CCNB3: variants seen among roughly 807,000 people sequenced by gnomAD.
CCNB3 encodes the protein G2/mitotic-specific cyclin-B3.
A neutral mutation model predicts 68.0 loss-of-function variants in CCNB3; 12 were observed. The ratio of observed to expected loss-of-function variants is 0.18; its 90% CI spans 0.11 to 0.29. The LOEUF (loss-of-function observed/expected upper bound fraction) is 0.29, where lower values mean the gene tolerates loss of function less well. Ranked by LOEUF, CCNB3 falls within the 10% of genes least tolerant of loss-of-function variation. The pLI, the probability that CCNB3 is intolerant of heterozygous loss-of-function variation, is 1.00. For missense variants in CCNB3, 904 were observed against 993.1 expected, an observed-to-expected ratio of 0.91 and a Z score of 1.21; for synonymous variants, 354 against 388.9, an observed-to-expected ratio of 0.91 and a Z score of 1.06.
chrX:50,226,390 AAT>A (rs1245330647), intron 1 of CCNB3, among the ~76,000 whole-genome samples: 1 of 60,930 alleles, frequency 1.6e-5, no homozygotes, highest in East Asian at 4.9e-4. Context: ...ATATATATAG[AAT>A]ATATATAAAA....
chrX:50,228,602 A>C (rs1935974972), intron 1 of CCNB3, among the ~76,000 whole-genome samples: 1 of 86,093 alleles, frequency 1.2e-5, no homozygotes. Flanking sequence ...TAGATAATAT[A>C]TATAGAATAT....
intron 1 of CCNB3, among the ~76,000 whole-genome samples, chrX:50,214,662 A>G: frequency 9.9e-6 from 1 of 100,550 alleles, no homozygotes; most frequent in Admixed American, 1.1e-4. Flanking sequence ...GAAATATAAT[A>G]TATAATACAA....
At chrX:50,279,518 T>G (rs1157841867) in intron 1 of CCNB3, among the ~76,000 whole-genome samples, 1,815 of 83,873 alleles carry the variant, frequency 0.022, 19 homozygotes, top group Middle Eastern at 0.038. Context: ...TATTTATTCA[T>G]ATAAAGATAT....
intron 8 of CCNB3, 22 bp downstream of exon 8, chrX:50,313,970 T>G (rs782095683): frequency 9.0e-7 from 1 of 1,108,590 alleles, no homozygotes; most frequent in Admixed American, 2.2e-5. Context: ...AACTCCTGCC[T>G]TAAGGAGCTG....
At chrX:50,226,278 T>A (rs1255476903) in intron 1 of CCNB3, among the ~76,000 whole-genome samples, 823 of 62,880 alleles carry the variant, frequency 0.013, 49 homozygotes, top group African/African-American at 0.062. Context: ...AGAATATATA[T>A]ATTTATATAT....
chrX:50,334,515 T>C (rs904706338), intron 8 of CCNB3, among the ~76,000 whole-genome samples: 16 of 112,802 alleles, frequency 1.4e-4, no homozygotes, highest in South Asian at 3.7e-4. Flanking sequence ...CTAACAGGGC[T>C]GTTGCTGCCA....
Position 50,317,169 on chromosome X carries a change from C to T in CCNB3, c.3516+3221C>T, listed in dbSNP as rs782735464. Among the ~76,000 whole-genome samples the T allele has an allele frequency of 2.7e-5, 3 of 111,954 alleles. No individual in the cohort carries two copies. The South Asian group carries it at 1.1e-3, about 42-fold the overall frequency. On this transcript the variant is annotated intron_variant, in intron 8 of 12. Transcript: ENST00000376042. ...TCCTCATAGTTTTAATTTTTATTTC[C>T]TTAAGGGTTAATAATGTTGACAACC... is the stretch of plus-strand genomic sequence containing the variant.
intron 1 of CCNB3, among the ~76,000 whole-genome samples, chrX:50,215,583 A>G (rs1008481219): frequency 1.8e-5 from 2 of 110,166 alleles, no homozygotes; most frequent in Admixed American, 1.9e-4. Context: ...AAAATCAATT[A>G]TTGAGAGAGG....
Position 50,214,475 on chromosome X carries a change from CATATATATATATATAT to C in CCNB3, c.-113+9544_-113+9559del, listed in dbSNP as rs1184201216. Among the ~76,000 whole-genome samples, 90 of 9,490 alleles carry C rather than the reference CATATATATATATATAT, an allele frequency of 9.5e-3. 5 individuals carry two copies. The East Asian group carries it at 0.12, about 13-fold the overall frequency. 8.2% of individuals were successfully genotyped at this position (9,490 alleles called of 115,157 possible). A position where few individuals can be genotyped will look rare whatever the true frequency, so the allele number is the denominator to read the frequency against. Reference sequence around the variant, plus strand: ...TTACCTTTCAGTTTTAGCTGTGGCCCATATATATATATATATATATATATATATATATATTTTAGCT... The same window carrying C: ...TTACCTTTCAGTTTTAGCTGTGGCCCATATATATATATATATATTTTAGCT... On this transcript the variant is annotated intron_variant, in intron 1 of 12. Coordinates refer to ENST00000376042, the MANE Select transcript of CCNB3 (RefSeq NM_033031.3).
intron 5 of CCNB3, 57 bp from the exon 6 acceptor site, chrX:50,308,448 G>C (rs1557213847): frequency 2.6e-6 from 2 of 776,792 alleles, no homozygotes. Flanking sequence ...AAAGGAAATG[G>C]TAGGTGAGGA....
intron 8 of CCNB3, among the ~76,000 whole-genome samples, chrX:50,335,672 G>A (rs191792388): frequency 9.0e-6 from 1 of 111,650 alleles, no homozygotes; most frequent in Non-Finnish European, 1.9e-5. Context: ...GCCCATATTC[G>A]GGGCCATCGC....
intron 1 of CCNB3, among the ~76,000 whole-genome samples, chrX:50,228,657 A>G (rs1279039143): frequency 1.3e-5 from 1 of 77,865 alleles, no homozygotes; most frequent in Non-Finnish European, 2.3e-5. Context: ...TATAGAATAT[A>G]TAGAATATAT....
chrX:50,305,399 G>A (rs1023799159), intron 5 of CCNB3, among the ~76,000 whole-genome samples: 5 of 111,158 alleles, frequency 4.5e-5, no homozygotes, highest in Admixed American at 1.9e-4. Flanking sequence ...GCAAACTATC[G>A]CAAGGACAAG....
intron 5 of CCNB3, among the ~76,000 whole-genome samples, chrX:50,303,421 C>T (rs1197143401): frequency 5.5e-5 from 6 of 109,100 alleles, no homozygotes; most frequent in Admixed American, 2.0e-4. Flanking sequence ...GCTGGGATTA[C>T]AGGAGTGAGC....
chrX:50,221,178 G>T (rs1196755114), intron 1 of CCNB3, among the ~76,000 whole-genome samples: 1 of 110,423 alleles, frequency 9.1e-6, no homozygotes, highest in East Asian at 2.8e-4. Context: ...TTCTTTATTA[G>T]TCTGGCTAAC....
chrX:50,350,096 C>G (rs1219189900), intron 11 of CCNB3, among the ~76,000 whole-genome samples: 6 of 111,148 alleles, frequency 5.4e-5, no homozygotes, highest in Non-Finnish European at 9.4e-5. Flanking sequence ...TCTGTCTCCT[C>G]TACTAGACTA....
rs190153876 is a variant in CCNB3, at chrX:50,325,700, G to A, written c.3516+11752G>A. On this transcript the variant is annotated intron_variant, in intron 8 of 12. Transcript: ENST00000376042. ...TTAAATTTAGGCCCAGGTAGCTACT[G>A]AGGATCCATCCTGAAGGATTGGCTG... Among the ~76,000 whole-genome samples, 26 of 112,227 alleles carry A rather than the reference G, an allele frequency of 2.3e-4. No individual in the cohort carries two copies. The East Asian group carries it at 6.2e-3, about 27-fold the overall frequency.
At chrX:50,288,433 G>A (rs1203637031) in intron 3 of CCNB3, among the ~76,000 whole-genome samples, 1 of 111,364 alleles carries the variant, frequency 9.0e-6, no homozygotes, top group African/African-American at 3.3e-5. Flanking sequence ...ACTAGGAATG[G>A]TAGGGGTGGT....
At chrX:50,289,099 C>A (rs1433051362) in intron 4 of CCNB3, among the ~76,000 whole-genome samples, 2 of 111,645 alleles carry the variant, frequency 1.8e-5, no homozygotes, top group African/African-American at 6.5e-5. Flanking sequence ...AAGCAGCAGA[C>A]AGTGATTATC....
Sources: gnomAD v4.1 joint callset for allele counts (sites outside exome capture counted in the v4.1 genomes callset) on GRCh38, gnomAD v4.1.1 for gene constraint, MANE v1.5 for transcripts, NCBI Gene and HGNC (gene_info 2026-07-23, HGNC 2026-07-21) for gene names.